The following TRANK1 variants were observed in gnomAD, a reference collection of about 807,000 sequenced individuals.
TRANK1 encodes the protein TPR and ankyrin repeat-containing protein 1.
A neutral mutation model predicts 266.0 loss-of-function variants in TRANK1; 198 were observed. The observed-to-expected ratio is 0.74, with a 90% CI of 0.66 to 0.84. The LOEUF (loss-of-function observed/expected upper bound fraction) is 0.84, where lower values mean the gene tolerates loss of function less well. Ranked by LOEUF, TRANK1 falls within the 40% of genes least tolerant of loss-of-function variation. The pLI, the probability that TRANK1 is intolerant of heterozygous loss-of-function variation, is 0.00. For synonymous variants in TRANK1, 1,396 were observed against 1,384.1 expected, an observed-to-expected ratio of 1.01 and a Z score of -0.19; for missense variants, 3,326 against 3,634.6, an observed-to-expected ratio of 0.92 and a Z score of 2.18.
chr3:36,925,751 C>T (rs1449999631), intron 1 of TRANK1, among the ~76,000 whole-genome samples: 1 of 152,052 alleles, frequency 6.6e-6, no homozygotes, highest in Non-Finnish European at 1.5e-5. Flanking sequence ...CCACCACACC[C>T]AGCTAATTTT....
In TRANK1 at chr3:36,899,181, G is replaced by T; in HGVS notation, c.361C>A (p.Arg121=). ...EAARMFFEGL[R]LVQRSQDQAP... is the part of the protein sequence containing the mutation. ...TGGTCTTGGCTTCTCTGCACAAGTC[G>T]CAGACCCTCAAAAAACATGCGAGCG... Residue 121 remains arginine (R), a synonymous_variant, in exon 4 of 24, where the codon CGA becomes AGA. Coordinates refer to ENST00000645898, the MANE Select transcript of TRANK1 (RefSeq NM_001329998.2). 5 of 1,537,196 alleles carry T rather than the reference G, an allele frequency of 3.3e-6. No homozygotes were observed. Among genetic ancestry groups the T allele is most frequent in the South Asian group, 2.4e-5 (2 of 84,060 alleles).
At chr3:36,869,425 T>C (rs144936720) in intron 9 of TRANK1, among the ~76,000 whole-genome samples, 4 of 152,346 alleles carry the variant, frequency 2.6e-5, no homozygotes, top group Non-Finnish European at 5.9e-5. Context: ...GGTCTGTAAA[T>C]TGGAATGTTC....
chr3:36,937,157 T>C (rs1448552325), intron 1 of TRANK1, among the ~76,000 whole-genome samples: 6 of 152,196 alleles, frequency 3.9e-5, no homozygotes, highest in African/African-American at 1.4e-4. Flanking sequence ...GGGTCTGAAA[T>C]GGAGTCTCAG....
intron 1 of TRANK1, among the ~76,000 whole-genome samples, chr3:36,937,091 C>T (rs536372818): frequency 6.6e-6 from 1 of 152,154 alleles, no homozygotes; most frequent in South Asian, 2.1e-4. Flanking sequence ...AGCTAGGTTC[C>T]GTCTCAAAAA....
intron 15 of TRANK1, among the ~76,000 whole-genome samples, chr3:36,849,525 G>A (rs1238963001): frequency 2.6e-5 from 4 of 152,148 alleles, no homozygotes; most frequent in Non-Finnish European, 5.9e-5. Flanking sequence ...TATAAGCCCA[G>A]ATAACAGCTG....
At chr3:36,918,354 G>A (rs2080154953) in intron 1 of TRANK1, among the ~76,000 whole-genome samples, 1 of 151,602 alleles carries the variant, frequency 6.6e-6, no homozygotes. Flanking sequence ...GCTTAACACT[G>A]CCGAACTATA....
At chr3:36,830,329 A>C (rs2078676541) in intron 22 of TRANK1, among the ~76,000 whole-genome samples, 1 of 152,034 alleles carries the variant, frequency 6.6e-6, no homozygotes, top group Non-Finnish European at 1.5e-5. Flanking sequence ...TAAAAAAAAA[A>C]AAAAACGGGA....
At chr3:36,911,968 G>T (rs939891918) in intron 1 of TRANK1, among the ~76,000 whole-genome samples, 1 of 152,104 alleles carries the variant, frequency 6.6e-6, no homozygotes, top group African/African-American at 2.4e-5. Flanking sequence ...AGGCAGATTA[G>T]CTGAGGTCAG....
chr3:36,912,146 A>C (rs2080061306), intron 1 of TRANK1, among the ~76,000 whole-genome samples: 1 of 152,066 alleles, frequency 6.6e-6, no homozygotes, highest in Admixed American at 6.5e-5. Flanking sequence ...GCTGAGATCA[A>C]GCCACTGCAT....
chr3:36,851,899 C>T, intron 14 of TRANK1, 43 bp from the exon 15 acceptor site: 1 of 1,549,354 alleles, frequency 6.5e-7, no homozygotes, highest in East Asian at 2.3e-5. Context: ...AGAGAAAACC[C>T]CAGTAAGCCT....
chr3:36,870,273 G>A (rs2079286592), intron 9 of TRANK1, among the ~76,000 whole-genome samples: 1 of 152,198 alleles, frequency 6.6e-6, no homozygotes, highest in Non-Finnish European at 1.5e-5. Flanking sequence ...CGGGCATGGT[G>A]ATGCATGCCT....
intron 1 of TRANK1, among the ~76,000 whole-genome samples, chr3:36,933,820 A>T (rs1192035669): frequency 1.3e-5 from 2 of 152,226 alleles, no homozygotes; most frequent in African/African-American, 4.8e-5. Flanking sequence ...CCCTGAAATT[A>T]CTAATCAATT....
At chr3:36,865,016 T>C (rs902981445) in intron 9 of TRANK1, among the ~76,000 whole-genome samples, 4 of 140,442 alleles carry the variant, frequency 2.8e-5, no homozygotes, top group Admixed American at 2.2e-4. Flanking sequence ...GGTTTTTTTG[T>C]TTTTTTGGTT....
chr3:36,875,099 C>G (rs927248702), intron 8 of TRANK1, among the ~76,000 whole-genome samples: 17 of 151,916 alleles, frequency 1.1e-4, no homozygotes, highest in Non-Finnish European at 2.2e-4. Flanking sequence ...GATTTCTGAC[C>G]TGCTGTGCAT....
intron 2 of TRANK1, among the ~76,000 whole-genome samples, chr3:36,906,857 A>G (rs751084751): frequency 1.1e-4 from 17 of 152,246 alleles, no homozygotes; most frequent in South Asian, 1.0e-3. Context: ...AAGAGAAAAA[A>G]TTTGTATTGC....
At chr3:36,887,909 T>G (rs1205212470) in intron 8 of TRANK1, among the ~76,000 whole-genome samples, 1 of 152,230 alleles carries the variant, frequency 6.6e-6, no homozygotes, top group African/African-American at 2.4e-5. Flanking sequence ...CTGGTGGCAC[T>G]GTAAAATGGT....
At chr3:36,923,591 G>T (rs2080247541) in intron 1 of TRANK1, among the ~76,000 whole-genome samples, 1 of 152,130 alleles carries the variant, frequency 6.6e-6, no homozygotes, top group Admixed American at 6.5e-5. Context: ...CACCAGGATA[G>T]TCACTGCTCA....
intron 8 of TRANK1, among the ~76,000 whole-genome samples, chr3:36,888,170 G>T (rs1305185985): frequency 6.6e-6 from 1 of 152,160 alleles, no homozygotes; most frequent in African/African-American, 2.4e-5. Context: ...CAATAAAAAG[G>T]AATTAAGTAT....
chr3:36,915,670 C>T (rs1031165856), intron 1 of TRANK1, among the ~76,000 whole-genome samples: 3 of 152,110 alleles, frequency 2.0e-5, no homozygotes, highest in Admixed American at 6.5e-5. Context: ...ACATTAAGTA[C>T]ATCAATAATC....
Sources: allele counts gnomAD v4.1 joint callset (sites outside exome capture counted in the v4.1 genomes callset), GRCh38; gene constraint gnomAD v4.1.1; transcripts MANE v1.5; gene names NCBI Gene and HGNC (gene_info 2026-07-23, HGNC 2026-07-21).